Variants in CRB1 observed in about 807,000 individuals in gnomAD.
CRB1 encodes crumbs cell polarity complex component 1, also known as protein crumbs homolog 1.
Under a neutral mutation model 120.0 loss-of-function variants are expected in CRB1, and 83 were observed. The observed-to-expected ratio is 0.69, with a 90% CI of 0.58 to 0.83. CRB1 has a LOEUF of 0.83. Among genes scored for constraint, CRB1 ranks in the 40% least tolerant of loss-of-function variants. CRB1 has a pLI of 0.00. For missense variants in CRB1, 1,699 were observed against 1,687.6 expected, an observed-to-expected ratio of 1.01 and a Z score of -0.12; for synonymous variants, 625 against 612.5, an observed-to-expected ratio of 1.02 and a Z score of -0.30.
intron 1 of CRB1, among the ~76,000 whole-genome samples, chr1:197,270,280 A>G (rs913135709): frequency 1.3e-5 from 2 of 152,212 alleles, no homozygotes; most frequent in African/African-American, 4.8e-5. Context: ...TAAGATAGAT[A>G]CTATCATAGT....
intron 11 of CRB1, among the ~76,000 whole-genome samples, chr1:197,460,235 AT>A: frequency 6.6e-6 from 1 of 152,078 alleles, no homozygotes; most frequent in South Asian, 2.1e-4. Flanking sequence ...CAATAGACTG[AT>A]GTTATTACTC....
chr1:197,449,351 A>T (rs906679660), intron 11 of CRB1, among the ~76,000 whole-genome samples: 2 of 151,928 alleles, frequency 1.3e-5, no homozygotes, highest in Non-Finnish European at 2.9e-5. Context: ...TTTCAGAAAA[A>T]TATTATTATT....
chr1:197,452,220 A>C (rs1482208555), intron 11 of CRB1, among the ~76,000 whole-genome samples: 1 of 152,180 alleles, frequency 6.6e-6, no homozygotes, highest in Non-Finnish European at 1.5e-5. Flanking sequence ...GACGAAGGAA[A>C]TTCCCTATCC....
chr1:197,399,728 C>T (rs1251765026), intron 5 of CRB1, among the ~76,000 whole-genome samples: 1 of 152,108 alleles, frequency 6.6e-6, no homozygotes, highest in Non-Finnish European at 1.5e-5. Context: ...GCTGGGGTCT[C>T]CTCTGATGGC....
At chr1:197,426,861 A>C (rs1416450623) in intron 6 of CRB1, among the ~76,000 whole-genome samples, 2 of 152,156 alleles carry the variant, frequency 1.3e-5, no homozygotes, top group African/African-American at 4.8e-5. Context: ...CAGACTAAAA[A>C]CCTGAAGTTT....
intron 1 of CRB1, among the ~76,000 whole-genome samples, chr1:197,278,305 C>T (rs1304577617): frequency 6.6e-6 from 1 of 151,840 alleles, no homozygotes; most frequent in Non-Finnish European, 1.5e-5. Context: ...TACCTATGAA[C>T]CAGAAGTTGG....
At chr1:197,338,093 T>C (rs1425056874) in intron 2 of CRB1, among the ~76,000 whole-genome samples, 1 of 151,964 alleles carries the variant, frequency 6.6e-6, no homozygotes. Flanking sequence ...CATAAACCAT[T>C]CATAAAAGTA....
intron 6 of CRB1, among the ~76,000 whole-genome samples, chr1:197,425,030 C>T (rs1456733980): frequency 6.6e-6 from 1 of 152,162 alleles, no homozygotes; most frequent in Admixed American, 6.5e-5. Flanking sequence ...AAATACTCTG[C>T]ATTTTGGCTT....
At chr1:197,454,305 C>A (rs1385913734) in intron 11 of CRB1, among the ~76,000 whole-genome samples, 1 of 151,870 alleles carries the variant, frequency 6.6e-6, no homozygotes, top group African/African-American at 2.4e-5. Context: ...TAAAATACTT[C>A]AAATGGAGGA....
chr1:197,421,582 A>G lies in CRB1; in HGVS notation c.1754A>G (p.Asp585Gly), dbSNP rs973238901. Reference sequence around the variant, plus strand: ...GCTGTGACCCTTACCTTAATCGACGACTCCTGTAAGGAGAAATGCATCGCG... The same window carrying G: ...GCTGTGACCCTTACCTTAATCGACGGCTCCTGTAAGGAGAAATGCATCGCG... ...AEAVTLTLID[D>G]SCKEKCIAKA... The change falls in exon 6 of 12, where the codon GAC becomes GGC. Residue 585 changes from aspartate to glycine, a missense_variant. Transcript: ENST00000367400. 6.2e-7 allele frequency: 1 copy of G among 1,614,028 alleles called. No individual in the cohort carries two copies. Among genetic ancestry groups the G allele is most frequent in the Non-Finnish European group, 8.5e-7 (1 of 1,180,020 alleles).
At chr1:197,348,777 A>C (rs1371356080) in intron 4 of CRB1, among the ~76,000 whole-genome samples, 1 of 152,222 alleles carries the variant, frequency 6.6e-6, no homozygotes, top group Non-Finnish European at 1.5e-5. Flanking sequence ...CGCCTGGCCC[A>C]TAAAGAAATT....
chr1:197,326,083 C>T (rs1658478247), intron 1 of CRB1, among the ~76,000 whole-genome samples: 1 of 151,982 alleles, frequency 6.6e-6, no homozygotes, highest in South Asian at 2.1e-4. Flanking sequence ...AATAATTATA[C>T]ATTTAAATAT....
intron 5 of CRB1, among the ~76,000 whole-genome samples, chr1:197,384,838 T>A (rs763729317): frequency 7.9e-5 from 12 of 152,170 alleles, no homozygotes; most frequent in Non-Finnish European, 1.6e-4. Flanking sequence ...GTCAGTGCTT[T>A]AGAAAGATTT....
intron 1 of CRB1, among the ~76,000 whole-genome samples, chr1:197,284,431 G>A (rs1655706253): frequency 1.3e-5 from 2 of 151,888 alleles, no homozygotes; most frequent in Non-Finnish European, 2.9e-5. Context: ...ATGTGTTTGT[G>A]ACTGAGTAGT....
the CRB1 span, among the ~76,000 whole-genome samples, chr1:197,244,027 G>A: frequency 2.6e-5 from 4 of 152,050 alleles, no homozygotes; most frequent in Admixed American, 2.0e-4. Context: ...CATTTGCTTG[G>A]TAGATATTCC....
intron 11 of CRB1, among the ~76,000 whole-genome samples, chr1:197,469,651 C>T (rs1405025253): frequency 6.6e-6 from 1 of 152,142 alleles, no homozygotes; most frequent in Non-Finnish European, 1.5e-5. Context: ...GGGAGAGAAG[C>T]ATGAATGTCC....
intron 5 of CRB1, among the ~76,000 whole-genome samples, chr1:197,370,182 C>G (rs1363251228): frequency 6.6e-6 from 1 of 151,492 alleles, no homozygotes; most frequent in African/African-American, 2.4e-5. Context: ...CAAAATACAC[C>G]AAAATAGAGC....
chr1:197,259,626 A>G, the CRB1 span, among the ~76,000 whole-genome samples: 1 of 152,208 alleles, frequency 6.6e-6, no homozygotes, highest in South Asian at 2.1e-4. Context: ...GCAAACCACC[A>G]TGACATACGT....
chr1:197,295,994 G>C (rs907527819), intron 1 of CRB1, among the ~76,000 whole-genome samples: 2 of 145,654 alleles, frequency 1.4e-5, no homozygotes, highest in African/African-American at 5.1e-5. Context: ...TTAAGACAAA[G>C]TAAGGCATAA....
Sources: allele counts gnomAD v4.1 joint callset (sites outside exome capture counted in the v4.1 genomes callset), GRCh38; gene constraint gnomAD v4.1.1; transcripts MANE v1.5; gene names NCBI Gene and HGNC (gene_info 2026-07-23, HGNC 2026-07-21).